The following ZER1 variants were observed in gnomAD, a reference collection of about 807,000 sequenced individuals.
ZER1 encodes the protein zyg-11 related cell cycle regulator, also known as protein zer-1 homolog.
A neutral mutation model predicts 78.8 loss-of-function variants in ZER1; 11 were observed. The observed-to-expected ratio is 0.14, with a 90% confidence interval of 0.09 to 0.23. ZER1 has a LOEUF of 0.23. Ranked by LOEUF, ZER1 falls within the 10% of genes least tolerant of loss-of-function variation. The probability of loss-of-function intolerance (pLI) is 1.00; values close to 1 mark genes in which losing one functional copy is unlikely to be tolerated. For missense variants in ZER1, 588 were observed against 996.9 expected (o/e 0.59, Z 5.52); for synonymous variants, 400 against 407.0 (o/e 0.98, Z 0.21).
Position 128,755,254 on chromosome 9 carries a change from T to A in ZER1, c.158+154A>T, listed in dbSNP as rs1863818707. ...CTTTACGGTTATGGATACACCACTA[T>A]TCTCTTGCAGCCATGAACATCCATG... On this transcript the variant is annotated intron_variant, in intron 2 of 15. Coordinates refer to ENST00000291900, the MANE Select transcript of ZER1 (RefSeq NM_006336.4). The surrounding 1 kb of genome is among the most constrained non-coding windows in gnomAD (Gnocchi z 5.6). Among the ~76,000 whole-genome samples the A allele has an allele frequency of 6.6e-6, 1 of 151,792 alleles. No homozygotes were observed. The highest frequency in any genetic ancestry group is 2.4e-5 in the African/African-American group (1 of 41,316).
Position 128,750,414 on chromosome 9 carries a change from A to G in ZER1, c.1359+202T>C, listed in dbSNP as rs926224083. 4.6e-5 allele frequency among the ~76,000 whole-genome samples: 7 copies of G among 152,162 alleles called. No individual in the cohort carries two copies. The East Asian group carries it at 1.2e-3, about 25-fold the overall frequency. ...AGGGTCCCTGGGCCCCCACCCCCAC[A>G]TGGGGCAGGGAGGAGGATGGAGGGC... is the stretch of plus-strand genomic sequence containing the variant. On this transcript the variant is annotated intron_variant, in intron 8 of 15. Transcript: ENST00000291900.
chr9:128,742,680 G>A lies in ZER1; in HGVS notation c.1425C>T (p.Tyr475=), dbSNP rs780119077. The A allele has an allele frequency of 1.2e-5, 19 of 1,614,152 alleles. No individual in the cohort carries two copies. In the South Asian group the frequency reaches 2.0e-4, roughly 17 times the overall value. The change falls in exon 9 of 16, where the codon TAC becomes TAT. Residue 475 remains tyrosine, a synonymous_variant. Coordinates refer to ENST00000291900, the MANE Select transcript of ZER1 (RefSeq NM_006336.4). ...FSIPEELEFQ[Y]RRVNELLLSI... Reference sequence around the variant, plus strand: ...TGAGCAGGAGCTCGTTGACCCGGCGGTACTGGAATTCCAGCTCCTCGGGGA... The same window carrying A: ...TGAGCAGGAGCTCGTTGACCCGGCGATACTGGAATTCCAGCTCCTCGGGGA...
At chr9:128,735,188 C>T (rs1273417793) in intron 14 of ZER1, 146 bp downstream of exon 14, 4 of 732,206 alleles carry the variant, frequency 5.5e-6, no homozygotes, top group East Asian at 2.8e-5. Context: ...GGGTGTCCCA[C>T]AAACGCTGGA....
In ZER1 at chr9:128,751,369, C is replaced by T. The variant is rs1370048265; in HGVS notation, c.1038+44G>A. ...CCCCAGAATCCAGCTCCTTCTCTCT[C>T]CCAAGGCTCCCTGGCCCAGACCCAT... On this transcript the variant is annotated intron_variant, in intron 6 of 15. Coordinates refer to ENST00000291900, the MANE Select transcript of ZER1 (RefSeq NM_006336.4). The surrounding 1 kb of genome is among the most constrained non-coding windows in gnomAD (Gnocchi z 5.4). The T allele has an allele frequency of 6.2e-7, 1 of 1,613,510 alleles. No homozygotes were observed. Among genetic ancestry groups the T allele is most frequent in the Non-Finnish European group, 8.5e-7 (1 of 1,179,548 alleles).
chr9:128,759,913 A>T (rs531717482), intron 1 of ZER1, among the ~76,000 whole-genome samples: 1 of 152,216 alleles, frequency 6.6e-6, no homozygotes. Context: ...AGAGTCTCAT[A>T]CTGTTGCCCA....
intron 1 of ZER1, among the ~76,000 whole-genome samples, chr9:128,761,106 C>T (rs10121258): frequency 1.4e-5 from 2 of 144,940 alleles, no homozygotes; most frequent in East Asian, 2.2e-4. Context: ...TGCAGTGAGC[C>T]GAGATCGCGC....
intron 8 of ZER1, 66 bp from the exon 9 acceptor site, chr9:128,742,811 C>A (rs1483197033): frequency 1.3e-6 from 2 of 1,486,678 alleles, no homozygotes; most frequent in African/African-American, 2.8e-5. Flanking sequence ...GCTCTAGGAA[C>A]TATCTAGAGG....
chr9:128,741,668 G>A lies in ZER1; in HGVS notation c.1618-14C>T. 1 of 1,614,106 alleles carries A rather than the reference G, an allele frequency of 6.2e-7. No individual in the cohort carries two copies. Among genetic ancestry groups the A allele is most frequent in the Non-Finnish European group, 8.5e-7 (1 of 1,180,028 alleles). On this transcript the variant is annotated splice_polypyrimidine_tract_variant and intron_variant, in intron 10 of 15. Transcript: ENST00000291900. ...GACCTGGTCACACTGTGAGGGCAGG[G>A]CAGGGCTCAGCCAAGGCTCCTGGTA...
rs1470329027 is a variant in ZER1 at position 128,755,476 on chromosome 9, G to C, written c.90C>G (p.Asp30Glu). 1 of 1,613,932 alleles carries C rather than the reference G, an allele frequency of 6.2e-7. No homozygotes were observed. Among genetic ancestry groups the C allele is most frequent in the Non-Finnish European group, 8.5e-7 (1 of 1,180,020 alleles). The change falls in exon 2 of 16, where the codon GAC (aspartate) becomes GAG (glutamate). Residue 30 changes from aspartate to glutamate, a missense_variant. Transcript: ENST00000291900. This position sits in a 1 kb window ranked among gnomAD's most constrained non-coding sequence, Gnocchi z 5.6. The stretch of plus-strand genomic sequence containing the variant: ...CCGGATGTAGCCGCAGGGTCTCCTT[G>C]TCCAGCAGGTAGCCCAGGGTGCCAT... The part of the protein sequence containing the change: ...NLDGTLGYLL[D>E]KETLRLHPDI...
At chr9:128,733,623 G>A (rs1862917968) in intron 14 of ZER1, 95 bp from the exon 15 acceptor site, 1 of 1,153,290 alleles carries the variant, frequency 8.7e-7, no homozygotes, top group East Asian at 2.6e-5. Flanking sequence ...CTATCCTGGT[G>A]TCGGGGGTGT....
At chr9:128,763,974 C>A (rs1487788092) in intron 1 of ZER1, among the ~76,000 whole-genome samples, 8 of 147,766 alleles carry the variant, frequency 5.4e-5, no homozygotes, top group Non-Finnish European at 8.9e-5. Flanking sequence ...GCAATAAGAG[C>A]AAAACTCCAT....
chr9:128,767,977 C>A (rs1187430201), intron 1 of ZER1, among the ~76,000 whole-genome samples: 1 of 152,190 alleles, frequency 6.6e-6, no homozygotes, highest in African/African-American at 2.4e-5. Flanking sequence ...AAGGTCCTTA[C>A]CTGTCAGCAT....
chr9:128,746,610 A>G (rs1377002031), intron 8 of ZER1, among the ~76,000 whole-genome samples: 1 of 151,198 alleles, frequency 6.6e-6, no homozygotes, highest in Non-Finnish European at 1.5e-5. Flanking sequence ...CTACAGACGC[A>G]TAGCACCACA....
At chr9:128,744,483 C>CTTT (rs745822457) in intron 8 of ZER1, among the ~76,000 whole-genome samples, 1,664 of 135,426 alleles carry the variant, frequency 0.012, 45 homozygotes, top group African/African-American at 0.043. Context: ...CGTGCAGGGC[C>CTTT]TTTTTTTTTT....
At position 128,733,099 on chromosome 9, in the gene ZER1, T is replaced by C. The variant is rs10114047; in HGVS notation, c.2243+327A>G. The C allele has an allele frequency of 9.1e-3, 2,101 of 231,140 alleles. 53 individuals carry two copies. The highest frequency in any genetic ancestry group is 0.042 in the African/African-American group (1,943 of 45,752). 14.3% of individuals were successfully genotyped at this position (231,140 alleles called of 1,614,324 possible). A position where few individuals can be genotyped will look rare whatever the true frequency, so the allele number is the denominator to read the frequency against. ...GTCCCTTCTTTAGTGGGAATGTCTT[T>C]GGCCAAAAATAATGAATAGTTCTGA... On this transcript the variant is annotated intron_variant, in intron 15 of 15. Coordinates refer to ENST00000291900, the MANE Select transcript of ZER1 (RefSeq NM_006336.4).
At position 128,753,692 on chromosome 9, in the gene ZER1, G is replaced by A. The variant is rs891421855; in HGVS notation, c.310-92C>T. ...CTGGGCTACAGGTGGGTTGGAAAGG[G>A]GGATGTGCACAGTCACGGTGCACAC... On this transcript the variant is annotated intron_variant, in intron 3 of 15. Coordinates refer to ENST00000291900, the MANE Select transcript of ZER1 (RefSeq NM_006336.4). The surrounding 1 kb of genome is among the most constrained non-coding windows in gnomAD (Gnocchi z 7.5). 6.4e-7 allele frequency: 1 copy of A among 1,563,222 alleles called. No individual in the cohort carries two copies. The highest frequency in any genetic ancestry group is 1.4e-5 in the African/African-American group (1 of 74,026).
In ZER1 at chr9:128,753,688, A is replaced by T. The variant is rs1432040900; in HGVS notation, c.310-88T>A. 6 of 1,564,980 alleles carry T rather than the reference A, an allele frequency of 3.8e-6. No homozygotes were observed. The African/African-American group carries it at 8.1e-5, about 21-fold the overall frequency. ...TGCCCTGGGCTACAGGTGGGTTGGA[A>T]AGGGGGATGTGCACAGTCACGGTGC... is the stretch of plus-strand genomic sequence containing the variant. On this transcript the variant is annotated intron_variant, in intron 3 of 15. Coordinates refer to ENST00000291900, the MANE Select transcript of ZER1 (RefSeq NM_006336.4). The surrounding 1 kb of genome is among the most constrained non-coding windows in gnomAD (Gnocchi z 7.5).
chr9:128,749,920 G>T (rs961620834), intron 8 of ZER1, among the ~76,000 whole-genome samples: 14 of 152,328 alleles, frequency 9.2e-5, no homozygotes, highest in Admixed American at 8.5e-4. Context: ...GCGCATGCCT[G>T]TAATCCCAGC....
At chr9:128,766,856 A>AAAC (rs1864226936) in intron 1 of ZER1, among the ~76,000 whole-genome samples, 2 of 150,686 alleles carry the variant, frequency 1.3e-5, no homozygotes, top group Non-Finnish European at 3.0e-5. Flanking sequence ...AAAAAAAAAA[A>AAAC]AAAAAAAAAA....
Sources: allele counts gnomAD v4.1 joint callset (sites outside exome capture counted in the v4.1 genomes callset), GRCh38; gene constraint gnomAD v4.1.1; non-coding constraint Gnocchi (gnomAD v3.1); transcripts MANE v1.5; gene names NCBI Gene and HGNC (gene_info 2026-07-23, HGNC 2026-07-21).